LYRM7: variants seen among roughly 807,000 people sequenced by gnomAD.
The protein encoded by LYRM7 is complex III assembly factor LYRM7.
Under a neutral mutation model 15.8 loss-of-function variants are expected in LYRM7, and 9 were observed. That is an observed-to-expected ratio of 0.57 (90% confidence interval 0.34 to 0.99). LYRM7 has a LOEUF of 0.99. LYRM7 is among the 50% of genes least tolerant of loss of function. LYRM7 has a pLI of 0.02. For missense variants in LYRM7, 115 were observed against 119.1 expected, an observed-to-expected ratio of 0.97 and a Z score of 0.16; for synonymous variants, 39 against 39.4, an observed-to-expected ratio of 0.99 and a Z score of 0.04.
At position 131,199,405 on chromosome 5, in the gene LYRM7, A is replaced by G. The variant is rs111568307; in HGVS notation, c.245-126A>G. On this transcript the variant is annotated intron_variant, in intron 4 of 4. Coordinates refer to ENST00000379380, the MANE Select transcript of LYRM7 (RefSeq NM_181705.4). ...CCTTAGATATCAACTGAAATAAAAT[A>G]TCCCTGGAAGATTTATCTTAAAACT... 849 of 595,362 alleles carry G rather than the reference A, an allele frequency of 1.4e-3. 8 individuals are homozygous for G. The African/African-American group carries it at 0.014, about 10-fold the overall frequency. The allele number at this position is 595,362 out of a possible 1,614,324, so 36.9% of individuals were successfully genotyped here. A position where few individuals can be genotyped will look rare whatever the true frequency, so the allele number is the denominator to read the frequency against.
intron 1 of LYRM7, among the ~76,000 whole-genome samples, chr5:131,177,476 C>G (rs1755619576): frequency 6.6e-6 from 1 of 152,150 alleles, no homozygotes; most frequent in African/African-American, 2.4e-5. Context: ...TTGCCCTTGT[C>G]TTTGAGTGAT....
At chr5:131,175,197 CTT>C (rs59140330) in intron 1 of LYRM7, among the ~76,000 whole-genome samples, 54 of 125,528 alleles carry the variant, frequency 4.3e-4, no homozygotes, top group Admixed American at 5.7e-4. Context: ...GCTTCAATCT[CTT>C]TTTTTTTTTT....
chr5:131,174,964 C>G (rs1755575899), intron 1 of LYRM7, among the ~76,000 whole-genome samples: 1 of 152,100 alleles, frequency 6.6e-6, no homozygotes, highest in Non-Finnish European at 1.5e-5. Flanking sequence ...TCCATCAGAG[C>G]TCTTGGGTGA....
intron 1 of LYRM7, among the ~76,000 whole-genome samples, chr5:131,177,226 A>G (rs1361123047): frequency 6.6e-6 from 1 of 152,164 alleles, no homozygotes; most frequent in Non-Finnish European, 1.5e-5. Context: ...TCCTGGAGCA[A>G]TTCAGTCTTT....
chr5:131,194,357 T>A (rs1755931618), intron 4 of LYRM7, among the ~76,000 whole-genome samples: 2 of 152,162 alleles, frequency 1.3e-5, no homozygotes, highest in African/African-American at 2.4e-5. Context: ...ATAAGGTGAA[T>A]TGGGTAAAGA....
rs1756090579 is a variant in LYRM7, at chr5:131,202,553, T to G, written c.*2952T>G. ...TCTCACCATGTTGCCCAGGCTGGAG[T>G]GCAGTAGCTATTCATAGGCACAGTC... On this transcript the variant is annotated 3_prime_UTR_variant, in exon 5 of 5. Transcript: ENST00000379380. The G allele has an allele frequency of 6.5e-6, 1 of 152,870 alleles. No homozygotes were observed. Among genetic ancestry groups the G allele is most frequent in the African/African-American group, 2.4e-5 (1 of 41,438 alleles). 9.5% of individuals were successfully genotyped at this position (152,870 alleles called of 1,614,324 possible).
rs1346956475 is a variant in LYRM7, at chr5:131,203,819, A to G, written c.*4218A>G. ...GTTTAGAGAAAGTTATTTGCCACCT[A>G]TGTCATGATTGAAATAGTTAATTGA... On this transcript the variant is annotated 3_prime_UTR_variant, in exon 5 of 5. Transcript: ENST00000379380. The G allele has an allele frequency of 1.3e-5, 2 of 152,398 alleles. No individual in the cohort carries two copies. Among genetic ancestry groups the G allele is most frequent in the Non-Finnish European group, 2.9e-5 (2 of 68,042 alleles). 9.4% of individuals were successfully genotyped at this position (152,398 alleles called of 1,614,324 possible). A position where few individuals can be genotyped will look rare whatever the true frequency, so the allele number is the denominator to read the frequency against.
chr5:131,172,598 C>T (rs1755540042), intron 1 of LYRM7, among the ~76,000 whole-genome samples: 1 of 152,050 alleles, frequency 6.6e-6, no homozygotes, highest in African/African-American at 2.4e-5. Flanking sequence ...ATTCCAAAAA[C>T]ACTTTTGGTA....
intron 4 of LYRM7, among the ~76,000 whole-genome samples, chr5:131,194,750 A>T (rs1289040430): frequency 6.6e-6 from 1 of 152,058 alleles, no homozygotes; most frequent in East Asian, 1.9e-4. Flanking sequence ...CTGGCACCCC[A>T]CGAGAGAGCA....
In LYRM7 at chr5:131,175,198, T is replaced by TC. The variant is rs557286917; in HGVS notation, c.18+4160_18+4161insC. 9.3e-5 allele frequency among the ~76,000 whole-genome samples: 8 copies of TC among 86,078 alleles called. No individual in the cohort carries two copies. The African/African-American group carries it at 1.7e-3, about 18-fold the overall frequency. 56.5% of individuals were successfully genotyped at this position (86,078 alleles called of 152,430 possible). ...ACTCAAAGTCACCAGCTTCAATCTC[T>TC]TTTTTTTTTTTTTTTTTGGTGATGG... On this transcript the variant is annotated intron_variant, in intron 1 of 4. Transcript: ENST00000379380.
intron 1 of LYRM7, among the ~76,000 whole-genome samples, chr5:131,174,603 A>G (rs1410188626): frequency 6.6e-6 from 1 of 152,100 alleles, no homozygotes; most frequent in Non-Finnish European, 1.5e-5. Flanking sequence ...TCCCAGCACT[A>G]TGGGAGGCTG....
In LYRM7 at chr5:131,204,975, T is replaced by G; in HGVS notation, c.*5374T>G. The G allele has an allele frequency of 6.6e-6, 1 of 152,236 alleles. No individual in the cohort carries two copies. The highest frequency in any genetic ancestry group is 1.9e-4 in the East Asian group (1 of 5,328). 9.4% of individuals were successfully genotyped at this position (152,236 alleles called of 1,614,324 possible). A position where few individuals can be genotyped will look rare whatever the true frequency, so the allele number is the denominator to read the frequency against. On this transcript the variant is annotated 3_prime_UTR_variant, in exon 5 of 5. Transcript: ENST00000379380. Reference sequence around the variant, plus strand: ...CAGTGAGTATATCAACATGTAAGTGTTAAAAGACAATAAGCTACTAGTGAT... The same window carrying G: ...CAGTGAGTATATCAACATGTAAGTGGTAAAAGACAATAAGCTACTAGTGAT...
chr5:131,198,850 C>T (rs539084138), intron 4 of LYRM7, among the ~76,000 whole-genome samples: 9 of 151,898 alleles, frequency 5.9e-5, no homozygotes, highest in East Asian at 1.9e-4. Context: ...GGATTACAGC[C>T]GTGAGTCACC....
intron 3 of LYRM7, among the ~76,000 whole-genome samples, chr5:131,185,982 A>G (rs993921513): frequency 6.6e-6 from 1 of 152,220 alleles, no homozygotes; most frequent in Non-Finnish European, 1.5e-5. Context: ...ATATCTGCCA[A>G]ATAGCTAAGT....
intron 4 of LYRM7, among the ~76,000 whole-genome samples, chr5:131,195,931 C>T (rs988035469): frequency 1.3e-5 from 2 of 152,072 alleles, no homozygotes; most frequent in Non-Finnish European, 2.9e-5. Flanking sequence ...TCAGCAGGAC[C>T]TAATGGAAAC....
chr5:131,186,719 A>G (rs1397812057), intron 3 of LYRM7, among the ~76,000 whole-genome samples: 2 of 152,244 alleles, frequency 1.3e-5, no homozygotes, highest in African/African-American at 4.8e-5. Flanking sequence ...ACAGGTGGAC[A>G]GTGTATACAA....
At position 131,184,095 on chromosome 5, in the gene LYRM7, G is replaced by A. The variant is rs186292425; in HGVS notation, c.162+1796G>A. 4.6e-5 allele frequency among the ~76,000 whole-genome samples: 7 copies of A among 152,050 alleles called. No homozygotes were observed. In the East Asian group the frequency reaches 1.4e-3, roughly 29 times the overall value. On this transcript the variant is annotated intron_variant, in intron 3 of 4. Coordinates refer to ENST00000379380, the MANE Select transcript of LYRM7 (RefSeq NM_181705.4). ...AGCAATTCTCATGCCTCATCCTCCT[G>A]AGTAGCTGGGATTACAGGTGCATGC...
intron 1 of LYRM7, among the ~76,000 whole-genome samples, chr5:131,175,360 C>T (rs185245209): frequency 2.1e-4 from 32 of 149,802 alleles, no homozygotes; most frequent in Admixed American, 6.6e-4. Flanking sequence ...CCACCATGCC[C>T]GGCTAATTTT....
At chr5:131,181,224 C>T (rs1190015847) in intron 2 of LYRM7, among the ~76,000 whole-genome samples, 26 of 129,960 alleles carry the variant, frequency 2.0e-4, no homozygotes, top group African/African-American at 6.3e-4. Flanking sequence ...TGCAGTGAGC[C>T]GAGATCATGC....
Sources: gnomAD v4.1 joint callset for allele counts (sites outside exome capture counted in the v4.1 genomes callset) on GRCh38, gnomAD v4.1.1 for gene constraint, MANE v1.5 for transcripts, NCBI Gene and HGNC (gene_info 2026-07-23, HGNC 2026-07-21) for gene names.